The following PISD variants were observed in gnomAD, a reference collection of about 807,000 sequenced individuals.
PISD encodes the protein phosphatidylserine decarboxylase.
In PISD, 31 loss-of-function variants were observed where a neutral mutation model predicts 43.5. That is an observed-to-expected ratio of 0.71 (90% CI 0.54 to 0.96). The LOEUF is 0.96. PISD is among the 40% of genes least tolerant of loss of function. The probability of loss-of-function intolerance (pLI) is 0.00; values close to 1 mark genes in which losing one functional copy is unlikely to be tolerated. For missense variants in PISD, 523 were observed against 548.4 expected, an observed-to-expected ratio of 0.95 and a Z score of 0.46; for synonymous variants, 259 against 228.7, an observed-to-expected ratio of 1.13 and a Z score of -1.20.
chr22:31,623,501 T>C (rs949341354), intron 3 of PISD, among the ~76,000 whole-genome samples: 1 of 152,088 alleles, frequency 6.6e-6, no homozygotes, highest in Non-Finnish European at 1.5e-5. Context: ...GCGGCCCAGG[T>C]AGTGGCCTTC....
Position 31,650,908 on chromosome 22 carries a change from T to C in PISD, c.66-130A>G, listed in dbSNP as rs898169390. ...AATGTCTTGGTTTTGACAACTGTAC[T>C]GTAGATAAGAAAATGTCCTTGTAGG... On this transcript the variant is annotated intron_variant, in intron 1 of 7. Transcript: ENST00000439502. 14 of 551,400 alleles carry C rather than the reference T, an allele frequency of 2.5e-5. No homozygotes were observed. In the Admixed American group the frequency reaches 4.1e-4, roughly 16 times the overall value. The allele number at this position is 551,400 out of a possible 1,614,324, so 34.2% of individuals were successfully genotyped here.
chr22:31,660,283 T>C (rs1347164604), intron 1 of PISD, among the ~76,000 whole-genome samples: 3 of 152,214 alleles, frequency 2.0e-5, no homozygotes, highest in Non-Finnish European at 2.9e-5. Context: ...CTATCTACAC[T>C]GGTACTAAAA....
chr22:31,620,695 T>A lies in PISD; in HGVS notation c.863A>T (p.Asn288Ile). The change falls in exon 7 of 8, where the codon AAC becomes ATC. Residue 288 changes from asparagine to isoleucine, a missense_variant. Asn to Ile is a moderately radical substitution (Grantham distance 149). Coordinates refer to ENST00000439502, the MANE Select transcript of PISD (RefSeq NM_001326411.2). ...RHFPGSLMSV[N>I]PGMARWIKEL... Reference sequence around the variant, plus strand: ...TTTGATCCAGCGAGCCATGCCAGGGTTCACTGACATCAGGGAGCCTGCAGA... The same window carrying A: ...TTTGATCCAGCGAGCCATGCCAGGGATCACTGACATCAGGGAGCCTGCAGA... The A allele has an allele frequency of 6.2e-7, 1 of 1,614,178 alleles. No individual in the cohort carries two copies. Among genetic ancestry groups the A allele is most frequent in the African/African-American group, 1.3e-5 (1 of 75,058 alleles).
At chr22:31,648,490 C>T (rs1270485593) in intron 2 of PISD, among the ~76,000 whole-genome samples, 1 of 151,904 alleles carries the variant, frequency 6.6e-6, no homozygotes. Flanking sequence ...ACGGTGAAAC[C>T]CCGTCTCTAC....
intron 1 of PISD, among the ~76,000 whole-genome samples, chr22:31,657,865 T>C (rs1424736715): frequency 6.6e-6 from 1 of 151,946 alleles, no homozygotes; most frequent in Non-Finnish European, 1.5e-5. Flanking sequence ...TTTCTTCCCA[T>C]CCCCCCACTA....
intron 3 of PISD, among the ~76,000 whole-genome samples, chr22:31,634,018 CT>C (rs1603404099): frequency 1.2e-4 from 19 of 152,318 alleles, no homozygotes; most frequent in East Asian, 9.7e-4. Flanking sequence ...CTGTGAGGCT[CT>C]GCAGGCTCTC....
chr22:31,634,608 T>C (rs1256232828), intron 3 of PISD, among the ~76,000 whole-genome samples: 1 of 152,056 alleles, frequency 6.6e-6, no homozygotes, highest in East Asian at 1.9e-4. Flanking sequence ...GAGGTCAAGG[T>C]GGGCAGATCA....
chr22:31,645,534 GTC>G (rs1178234004), intron 3 of PISD, among the ~76,000 whole-genome samples: 3 of 148,610 alleles, frequency 2.0e-5, no homozygotes, highest in African/African-American at 7.4e-5. Context: ...GTGAAACCCT[GTC>G]TCTTTTTTTT....
chr22:31,652,900 A>C (rs1409230412), intron 1 of PISD, among the ~76,000 whole-genome samples: 19 of 151,846 alleles, frequency 1.3e-4, no homozygotes, highest in Non-Finnish European at 7.4e-5. Flanking sequence ...TTAGCCGGGC[A>C]TGGTGGCATG....
chr22:31,658,040 A>C (rs5998074), intron 1 of PISD, among the ~76,000 whole-genome samples: 26,325 of 152,160 alleles, frequency 0.17, 2,754 homozygotes, highest in African/African-American at 0.3. Context: ...TTCTTATTAC[A>C]CAAAATGAAT....
chr22:31,660,030 G>A (rs2074277060), intron 1 of PISD, among the ~76,000 whole-genome samples: 1 of 151,994 alleles, frequency 6.6e-6, no homozygotes, highest in Non-Finnish European at 1.5e-5. Context: ...TATCACCCAA[G>A]ATGTTATCTA....
intron 3 of PISD, chr22:31,623,955 C>CCTTG (rs527480111): frequency 0.013 from 13,474 of 1,046,452 alleles, 117 homozygotes; most frequent in Non-Finnish European, 0.015. Context: ...GTCTACCCAC[C>CCTTG]CTTGGCAAGC....
chr22:31,628,144 C>T, intron 3 of PISD: 1 of 985,658 alleles, frequency 1.0e-6, no homozygotes, highest in Non-Finnish European at 1.2e-6. Flanking sequence ...CAGAAGATCG[C>T]CAGGGAGGAA....
At chr22:31,636,273 GTACTA>G (rs2073430512) in intron 3 of PISD, among the ~76,000 whole-genome samples, 1 of 152,134 alleles carries the variant, frequency 6.6e-6, no homozygotes, top group South Asian at 2.1e-4. Flanking sequence ...TTGGAATACT[GTACTA>G]TACATTTTTT....
intron 3 of PISD, chr22:31,632,104 G>A (rs941825909): frequency 3.2e-5 from 8 of 253,190 alleles, no homozygotes; most frequent in South Asian, 1.5e-4. Flanking sequence ...TAGGGCTTGC[G>A]GAGAAATGGT....
intron 3 of PISD, chr22:31,629,338 GGGGTGTGTAGGTGTGA>G (rs2073077328): frequency 2.5e-6 from 1 of 402,208 alleles, no homozygotes; most frequent in South Asian, 1.0e-4. Context: ...GAGGATGTGT[GGGGTGTGTAGGTGTGA>G]GGGTGTGTGT....
intron 3 of PISD, 59 bp from the exon 4 acceptor site, chr22:31,621,944 A>G: frequency 3.1e-6 from 4 of 1,281,008 alleles, no homozygotes; most frequent in Non-Finnish European, 4.5e-6. Context: ...CAGAGAGCCC[A>G]AGTAGTGTCA....
intron 1 of PISD, among the ~76,000 whole-genome samples, chr22:31,652,383 G>A (rs191373271): frequency 1.3e-5 from 2 of 151,656 alleles, no homozygotes; most frequent in Non-Finnish European, 2.9e-5. Flanking sequence ...CACCTGCCTC[G>A]GCCCGCCAAA....
chr22:31,662,351 C>A (rs1601475095), upstream of PISD: 7 of 767,784 alleles, frequency 9.1e-6, no homozygotes, highest in East Asian at 1.8e-4. Flanking sequence ...TGTGGCTACT[C>A]CCCACCTAAC....
Sources: gnomAD v4.1 joint callset for allele counts (sites outside exome capture counted in the v4.1 genomes callset) on GRCh38, gnomAD v4.1.1 for gene constraint, MANE v1.5 for transcripts, NCBI Gene and HGNC (gene_info 2026-07-23, HGNC 2026-07-21) for gene names.